The following PIGU variants were observed in gnomAD, a reference collection of about 807,000 sequenced individuals.
PIGU encodes the protein phosphatidylinositol glycan anchor biosynthesis class U.
Under a neutral mutation model 49.9 loss-of-function variants are expected in PIGU, and 24 were observed. The ratio of observed to expected loss-of-function variants is 0.48; its 90% CI spans 0.35 to 0.68. The LOEUF (loss-of-function observed/expected upper bound fraction) is 0.68. PIGU is among the 30% of genes least tolerant of loss of function. The pLI, the probability that PIGU is intolerant of heterozygous loss-of-function variation, is 0.01. For missense variants in PIGU, 490 were observed against 532.6 expected, an observed-to-expected ratio of 0.92 and a Z score of 0.79; for synonymous variants, 220 against 205.7, an observed-to-expected ratio of 1.07 and a Z score of -0.59.
chr20:34,574,967 G>A, intron 11 of PIGU, 137 bp downstream of exon 11: 1 of 1,163,100 alleles, frequency 8.6e-7, no homozygotes, highest in South Asian at 1.4e-5. Context: ...CACTGACTGG[G>A]AGCTACTTGA....
intron 7 of PIGU, among the ~76,000 whole-genome samples, chr20:34,609,121 A>AAACC (rs919801360): frequency 1.3e-5 from 2 of 152,040 alleles, no homozygotes; most frequent in African/African-American, 2.4e-5. Flanking sequence ...CTCTAAAAAA[A>AAACC]AACCAACCAA....
intron 9 of PIGU, among the ~76,000 whole-genome samples, chr20:34,582,262 A>G (rs1983508144): frequency 6.6e-6 from 1 of 152,190 alleles, no homozygotes; most frequent in African/African-American, 2.4e-5. Flanking sequence ...AGCAGTTTCA[A>G]TTATTATTTT....
intron 1 of PIGU, among the ~76,000 whole-genome samples, chr20:34,667,475 A>T (rs1362855601): frequency 2.0e-5 from 3 of 147,814 alleles, no homozygotes; most frequent in South Asian, 2.1e-4. Context: ...AAGTGCTTTT[A>T]AAAAAAAAAA....
chr20:34,587,620 T>G (rs1983752662), intron 8 of PIGU, among the ~76,000 whole-genome samples: 1 of 152,174 alleles, frequency 6.6e-6, no homozygotes. Flanking sequence ...TCCTGAGATT[T>G]TGTACCCCTT....
At chr20:34,672,514 A>G (rs1987338168) in intron 1 of PIGU, among the ~76,000 whole-genome samples, 1 of 152,080 alleles carries the variant, frequency 6.6e-6, no homozygotes, top group African/African-American at 2.4e-5. Flanking sequence ...TATGACCCAA[A>G]TCAGTTCAAT....
At chr20:34,674,481 C>A (rs1276612128) in intron 1 of PIGU, among the ~76,000 whole-genome samples, 1 of 152,178 alleles carries the variant, frequency 6.6e-6, no homozygotes, top group East Asian at 1.9e-4. Flanking sequence ...GGATCCTTCA[C>A]CTGTCCATCC....
chr20:34,566,134 T>C (rs1982756265), intron 11 of PIGU, among the ~76,000 whole-genome samples: 1 of 152,172 alleles, frequency 6.6e-6, no homozygotes, highest in Non-Finnish European at 1.5e-5. Flanking sequence ...AGAAGTTCCC[T>C]GGCTCCCCCT....
chr20:34,645,863 C>T (rs1323263105), intron 2 of PIGU, among the ~76,000 whole-genome samples: 1 of 152,068 alleles, frequency 6.6e-6, no homozygotes, highest in East Asian at 1.9e-4. Context: ...CGCGACTGCA[C>T]TCCAGCGTGG....
At position 34,581,600 on chromosome 20, in the gene PIGU, C is replaced by T; in HGVS notation, c.999G>A (p.Gly333=). 1 of 1,613,970 alleles carries T rather than the reference C, an allele frequency of 6.2e-7. No individual in the cohort carries two copies. Among genetic ancestry groups the T allele is most frequent in the Non-Finnish European group, 8.5e-7 (1 of 1,179,978 alleles). The stretch of plus-strand genomic sequence containing the variant: ...AGAAGGCCATGTAGAGCGCCACGTC[C>T]CCCACTGTCGGGTAGGACTTAAAGA... ...IAIFKSYPTV[G]DVALYMAFFP... The change falls in exon 10 of 12, where the codon GGG becomes GGA. Residue 333 remains glycine, a synonymous_variant. Coordinates refer to ENST00000217446, the MANE Select transcript of PIGU (RefSeq NM_080476.5).
At chr20:34,640,745 T>C (rs6088560) in intron 4 of PIGU, among the ~76,000 whole-genome samples, 59,724 of 152,028 alleles carry the variant, frequency 0.39, 12,114 homozygotes, top group Admixed American at 0.56. Flanking sequence ...CTTTTCCATA[T>C]GTAAGTTATA....
chr20:34,660,050 A>T (rs1233898777), intron 1 of PIGU, among the ~76,000 whole-genome samples: 20 of 141,156 alleles, frequency 1.4e-4, no homozygotes, highest in Middle Eastern at 3.5e-3. Context: ...ATGATCAATA[A>T]AAAAAAAAAA....
At chr20:34,619,243 C>T (rs574890071) in intron 6 of PIGU, among the ~76,000 whole-genome samples, 7 of 152,308 alleles carry the variant, frequency 4.6e-5, no homozygotes, top group East Asian at 1.9e-4. Context: ...AACAGGATCA[C>T]GCCCAGCTAA....
rs186169313 is a variant in PIGU, at chr20:34,597,403, G to A, written c.628-8796C>T. 5.9e-5 allele frequency among the ~76,000 whole-genome samples: 9 copies of A among 152,334 alleles called. No homozygotes were observed. In the East Asian group the frequency reaches 1.5e-3, roughly 26 times the overall value. ...TATTATTTCATTCCATTTATATGAT[G>A]TTTTAGAATAGGCCAAACTAATCTA... On this transcript the variant is annotated intron_variant, in intron 7 of 11. Coordinates refer to ENST00000217446, the MANE Select transcript of PIGU (RefSeq NM_080476.5).
chr20:34,640,503 A>ACACACG (rs1410572680), intron 4 of PIGU, among the ~76,000 whole-genome samples: 2 of 92,802 alleles, frequency 2.2e-5, no homozygotes, highest in African/African-American at 7.1e-5. Context: ...GCACGCGCAC[A>ACACACG]CACACACACA....
At chr20:34,596,481 T>C (rs762473687) in intron 7 of PIGU, among the ~76,000 whole-genome samples, 3 of 152,230 alleles carry the variant, frequency 2.0e-5, no homozygotes, top group East Asian at 1.9e-4. Flanking sequence ...TATGGTTATA[T>C]AAAATGTTAA....
intron 7 of PIGU, among the ~76,000 whole-genome samples, chr20:34,603,997 T>A (rs1468194218): frequency 6.6e-6 from 1 of 152,046 alleles, no homozygotes; most frequent in Non-Finnish European, 1.5e-5. Flanking sequence ...AGGGGACAGA[T>A]CTTACAATTC....
intron 1 of PIGU, among the ~76,000 whole-genome samples, chr20:34,671,571 C>G (rs2146799671): frequency 6.6e-6 from 1 of 151,984 alleles, no homozygotes; most frequent in East Asian, 1.9e-4. Context: ...CTGTTAATTT[C>G]TTATTAATTT....
chr20:34,640,541 TAAG>T (rs1986127761), intron 4 of PIGU, among the ~76,000 whole-genome samples: 1 of 131,424 alleles, frequency 7.6e-6, no homozygotes, highest in African/African-American at 3.0e-5. Flanking sequence ...ACACACCCCT[TAAG>T]AAAATATAAG....
intron 5 of PIGU, among the ~76,000 whole-genome samples, chr20:34,636,889 T>C (rs1014611722): frequency 2.0e-5 from 3 of 152,168 alleles, no homozygotes; most frequent in Non-Finnish European, 4.4e-5. Context: ...GCTTGTTACA[T>C]AATCTTTAAA....
Sources: allele counts gnomAD v4.1 joint callset (sites outside exome capture counted in the v4.1 genomes callset), GRCh38; gene constraint gnomAD v4.1.1; transcripts MANE v1.5; gene names NCBI Gene and HGNC (gene_info 2026-07-23, HGNC 2026-07-21).